BRINP3: variants seen among roughly 807,000 people sequenced by gnomAD.
BRINP3 encodes BMP/retinoic acid inducible neural specific 3, also known as BMP/retinoic acid-inducible neural-specific protein 3.
BRINP3 carries 19 observed loss-of-function variants against 71.0 expected under a neutral mutation model. That is an observed-to-expected ratio of 0.27 (90% CI 0.19 to 0.39). BRINP3 has a LOEUF of 0.39. BRINP3 is among the 10% of genes least tolerant of loss of function. The probability of loss-of-function intolerance (pLI) is 1.00; values close to 1 mark genes in which losing one functional copy is unlikely to be tolerated. For synonymous variants in BRINP3, 380 were observed against 337.7 expected (o/e 1.13, Z -1.37); for missense variants, 959 against 940.8 (o/e 1.02, Z -0.25).
At chr1:190,252,637 T>G (rs527625914) in intron 4 of BRINP3, among the ~76,000 whole-genome samples, 3 of 152,028 alleles carry the variant, frequency 2.0e-5, no homozygotes, top group Admixed American at 6.6e-5. Flanking sequence ...CTGAGTTAGG[T>G]TCATTTAATT....
chr1:190,259,784 C>G (rs1174213563), intron 4 of BRINP3, among the ~76,000 whole-genome samples: 1 of 151,950 alleles, frequency 6.6e-6, no homozygotes, highest in African/African-American at 2.4e-5. Flanking sequence ...AATCCCAGCA[C>G]TTTAGGAGGC....
intron 7 of BRINP3, among the ~76,000 whole-genome samples, chr1:190,124,030 C>T (rs563392931): frequency 6.6e-6 from 1 of 152,268 alleles, no homozygotes; most frequent in South Asian, 2.1e-4. Context: ...TTATATATGG[C>T]ATATGCCCTT....
intron 2 of BRINP3, among the ~76,000 whole-genome samples, chr1:190,404,797 G>T (rs1033854510): frequency 4.6e-5 from 7 of 152,112 alleles, no homozygotes; most frequent in Admixed American, 1.3e-4. Flanking sequence ...TATTATTAAA[G>T]TCAACTTTCT....
intron 2 of BRINP3, among the ~76,000 whole-genome samples, chr1:190,373,494 G>GTGTATA (rs1669999050): frequency 6.6e-6 from 1 of 150,832 alleles, no homozygotes; most frequent in Admixed American, 6.6e-5. Flanking sequence ...GTGTATATGT[G>GTGTATA]TATATATATA....
intron 5 of BRINP3, among the ~76,000 whole-genome samples, chr1:190,231,581 T>C (rs1657992994): frequency 6.6e-6 from 1 of 151,872 alleles, no homozygotes; most frequent in Non-Finnish European, 1.5e-5. Flanking sequence ...CCTTGTTTGA[T>C]GTGTTATACT....
rs192708345 is a variant in BRINP3, at chr1:190,412,606, G to A, written c.236+42049C>T. Among the ~76,000 whole-genome samples, 111 of 149,306 alleles carry A rather than the reference G, an allele frequency of 7.4e-4. 1 individual carries two copies. The highest frequency in any genetic ancestry group is 2.3e-3 in the African/African-American group (96 of 40,958). On this transcript the variant is annotated intron_variant, in intron 2 of 7. Coordinates refer to ENST00000367462, the MANE Select transcript of BRINP3 (RefSeq NM_199051.3). ...GCCTCCCAAGTAGCTGGGACTACAG[G>A]TGCCCGCCACTACGCCCGGCTAATT...
At chr1:190,146,244 AC>A (rs944406782) in intron 7 of BRINP3, among the ~76,000 whole-genome samples, 7 of 152,178 alleles carry the variant, frequency 4.6e-5, no homozygotes, top group African/African-American at 1.7e-4. Flanking sequence ...AAAATATTTA[AC>A]CTTATTAGAT....
chr1:190,221,173 G>C (rs111761017), intron 6 of BRINP3, among the ~76,000 whole-genome samples: 1 of 152,108 alleles, frequency 6.6e-6, no homozygotes, highest in South Asian at 2.1e-4. Flanking sequence ...AGCTGAGATC[G>C]CACCACTACA....
intron 6 of BRINP3, among the ~76,000 whole-genome samples, chr1:190,183,500 T>C (rs193258279): frequency 6.6e-6 from 1 of 152,194 alleles, no homozygotes. Context: ...TCCAAATTTG[T>C]CTTCCATTGA....
chr1:190,361,107 C>T (rs995841466), intron 2 of BRINP3, among the ~76,000 whole-genome samples: 1 of 151,740 alleles, frequency 6.6e-6, no homozygotes, highest in African/African-American at 2.4e-5. Flanking sequence ...ATACATTTGA[C>T]TCAAGCATAG....
chr1:190,199,625 G>A (rs1335858092), intron 6 of BRINP3, among the ~76,000 whole-genome samples: 1 of 151,786 alleles, frequency 6.6e-6, no homozygotes, highest in African/African-American at 2.4e-5. Flanking sequence ...AAGGTTATTG[G>A]ATACAATTCT....
chr1:190,365,835 T>TAC (rs943252110), intron 2 of BRINP3, among the ~76,000 whole-genome samples: 25 of 136,746 alleles, frequency 1.8e-4, no homozygotes, highest in African/African-American at 2.7e-4. Context: ...TATATATATA[T>TAC]ACACACACAC....
At chr1:190,145,182 T>C (rs911845315) in intron 7 of BRINP3, among the ~76,000 whole-genome samples, 16 of 152,162 alleles carry the variant, frequency 1.1e-4, no homozygotes, top group Non-Finnish European at 1.5e-5. Context: ...CTCTATAAAA[T>C]TGCACAGGCT....
At chr1:190,413,169 GTGTC>G (rs1238724303) in intron 2 of BRINP3, among the ~76,000 whole-genome samples, 1 of 152,142 alleles carries the variant, frequency 6.6e-6, no homozygotes, top group Admixed American at 6.5e-5. Flanking sequence ...GTGCATGTGT[GTGTC>G]TGTGTGTGCA....
At chr1:190,306,107 CATA>C (rs1195688022) in intron 2 of BRINP3, among the ~76,000 whole-genome samples, 1 of 151,532 alleles carries the variant, frequency 6.6e-6, no homozygotes, top group Non-Finnish European at 1.5e-5. Flanking sequence ...TTTGAAGACT[CATA>C]ATAATTTGTA....
At chr1:190,151,547 A>G (rs994106970) in intron 7 of BRINP3, among the ~76,000 whole-genome samples, 1 of 152,198 alleles carries the variant, frequency 6.6e-6, no homozygotes, top group African/African-American at 2.4e-5. Context: ...CTCTCTCTAT[A>G]TAAGCCAAAA....
intron 6 of BRINP3, among the ~76,000 whole-genome samples, chr1:190,219,746 G>A (rs1656710371): frequency 2.0e-5 from 3 of 151,862 alleles, no homozygotes; most frequent in Non-Finnish European, 2.9e-5. Flanking sequence ...GCTGAGGCAG[G>A]AGAATCGCTT....
intron 6 of BRINP3, among the ~76,000 whole-genome samples, chr1:190,190,006 G>GAGCCA (rs1323227520): frequency 6.6e-6 from 1 of 152,168 alleles, no homozygotes; most frequent in African/African-American, 2.4e-5. Context: ...GCACTGAGGA[G>GAGCCA]AGCCAGAAGC....
chr1:190,185,172 C>A (rs1653403785), intron 6 of BRINP3, among the ~76,000 whole-genome samples: 1 of 151,950 alleles, frequency 6.6e-6, no homozygotes, highest in Non-Finnish European at 1.5e-5. Flanking sequence ...AAATGCAAGC[C>A]ATAGAATGGG....
Sources: gnomAD v4.1 joint callset for allele counts (sites outside exome capture counted in the v4.1 genomes callset) on GRCh38, gnomAD v4.1.1 for gene constraint, MANE v1.5 for transcripts, NCBI Gene and HGNC (gene_info 2026-07-23, HGNC 2026-07-21) for gene names.